Variants in RIMS2 observed in about 807,000 individuals in gnomAD.
RIMS2 encodes the protein regulating synaptic membrane exocytosis 2.
A neutral mutation model predicts 174.4 loss-of-function variants in RIMS2; 59 were observed. That is an observed-to-expected ratio of 0.34 (90% confidence interval 0.27 to 0.42). The LOEUF is 0.42. Among genes scored for constraint, RIMS2 ranks in the 10% least tolerant of loss-of-function variants. The probability of loss-of-function intolerance (pLI) is 1.00; values close to 1 mark genes in which losing one functional copy is unlikely to be tolerated. For missense variants in RIMS2, 1,620 were observed against 1,666.3 expected (o/e 0.97, Z 0.48); for synonymous variants, 606 against 572.5 (o/e 1.06, Z -0.84).
chr8:104,240,871 G>A (rs2099286808), intron 19 of RIMS2, among the ~76,000 whole-genome samples: 1 of 152,002 alleles, frequency 6.6e-6, no homozygotes, highest in South Asian at 2.1e-4. Context: ...TATGCATCAG[G>A]CACTATCCTA....
At chr8:103,603,633 A>G (rs1464123043) in intron 1 of RIMS2, among the ~76,000 whole-genome samples, 5 of 149,718 alleles carry the variant, frequency 3.3e-5, no homozygotes, top group Admixed American at 1.3e-4. Context: ...AAGTGTTCCT[A>G]TTTCTCCACA....
chr8:103,612,746 T>A (rs1564013970), intron 1 of RIMS2, among the ~76,000 whole-genome samples: 1 of 152,062 alleles, frequency 6.6e-6, no homozygotes, highest in Non-Finnish European at 1.5e-5. Context: ...GCCTGGCTGA[T>A]TTTTTAGTAG....
At chr8:104,235,341 T>C (rs2099252629) in intron 19 of RIMS2, among the ~76,000 whole-genome samples, 1 of 152,120 alleles carries the variant, frequency 6.6e-6, no homozygotes, top group African/African-American at 2.4e-5. Flanking sequence ...TCAAATCTCA[T>C]CTATATTATT....
chr8:104,202,946 G>A (rs1227066382), intron 19 of RIMS2, among the ~76,000 whole-genome samples: 1 of 152,178 alleles, frequency 6.6e-6, no homozygotes, highest in African/African-American at 2.4e-5. Flanking sequence ...AGACTCTCAT[G>A]ACCCTGGAAG....
intron 1 of RIMS2, among the ~76,000 whole-genome samples, chr8:103,617,156 A>G (rs1035942684): frequency 6.6e-6 from 1 of 152,142 alleles, no homozygotes; most frequent in Non-Finnish European, 1.5e-5. Flanking sequence ...CATGGTATGG[A>G]TGTGAAAAGA....
intron 19 of RIMS2, among the ~76,000 whole-genome samples, chr8:104,070,004 A>G (rs933620726): frequency 6.6e-6 from 1 of 152,180 alleles, no homozygotes; most frequent in Non-Finnish European, 1.5e-5. Flanking sequence ...GAGAAAAGCA[A>G]TCTGGATTTT....
chr8:104,031,829 T>G (rs2096399853), intron 19 of RIMS2, among the ~76,000 whole-genome samples: 1 of 152,158 alleles, frequency 6.6e-6, no homozygotes, highest in Non-Finnish European at 1.5e-5. Flanking sequence ...CATTTCATGC[T>G]TTTTAAAATG....
intron 19 of RIMS2, among the ~76,000 whole-genome samples, chr8:104,085,902 T>C (rs2097528898): frequency 6.6e-6 from 1 of 152,120 alleles, no homozygotes; most frequent in Non-Finnish European, 1.5e-5. Flanking sequence ...GTACAGGAGA[T>C]GTCCTGTCAG....
exon 4 of RIMS2, chr8:103,886,129 T>G (rs1262715771): frequency 6.2e-7 from 1 of 1,612,994 alleles, no homozygotes; most frequent in Middle Eastern, 1.7e-4. Flanking sequence ...TGCGCCAGAT[T>G]TCGTTGAGCA....
At chr8:103,911,934 A>G (rs1692746) in intron 5 of RIMS2, 119 bp from the exon 9 acceptor site, 1 of 695,344 alleles carries the variant, frequency 1.4e-6, no homozygotes. Context: ...TAATCATAAC[A>G]CTGAAATTCT....
At chr8:104,029,605 A>C (rs1189141539) in intron 19 of RIMS2, among the ~76,000 whole-genome samples, 2 of 152,160 alleles carry the variant, frequency 1.3e-5, no homozygotes, top group Non-Finnish European at 2.9e-5. Context: ...AATATTTGCT[A>C]ATTTCAAAGG....
chr8:103,962,225 T>A (rs892983940), intron 15 of RIMS2, among the ~76,000 whole-genome samples: 1 of 152,136 alleles, frequency 6.6e-6, no homozygotes, highest in Non-Finnish European at 1.5e-5. Context: ...GTTTTCAAGA[T>A]GACAGAAATA....
At chr8:104,017,349 A>G (rs1358683225) in intron 19 of RIMS2, among the ~76,000 whole-genome samples, 2 of 151,918 alleles carry the variant, frequency 1.3e-5, no homozygotes, top group Non-Finnish European at 2.9e-5. Flanking sequence ...CCTTTTCAAC[A>G]GCCAAAATAT....
intron 19 of RIMS2, among the ~76,000 whole-genome samples, chr8:104,115,322 T>A (rs1479912033): frequency 6.6e-6 from 1 of 152,134 alleles, no homozygotes; most frequent in Non-Finnish European, 1.5e-5. Context: ...TATTTATGGT[T>A]CTAGTATTTG....
chr8:103,964,383 T>C (rs536403947), intron 15 of RIMS2, among the ~76,000 whole-genome samples: 5 of 152,290 alleles, frequency 3.3e-5, no homozygotes, highest in South Asian at 2.1e-4. Context: ...TGGTATCTTG[T>C]TGTTTTTATT....
At chr8:103,568,953 G>T (rs2092597281) in intron 1 of RIMS2, 9 of 711,880 alleles carry the variant, frequency 1.3e-5, no homozygotes, top group South Asian at 1.2e-4. Context: ...CGAGTTCATG[G>T]TGTCTTACAG....
chr8:104,251,474 G>T, intron 23 of RIMS2, 128 bp from the exon 30 acceptor site: 1 of 653,960 alleles, frequency 1.5e-6, no homozygotes. Context: ...ATTCTATTAT[G>T]CAGATTTTAA....
chr8:103,622,200 A>T (rs1279550888), intron 1 of RIMS2, among the ~76,000 whole-genome samples: 1 of 152,154 alleles, frequency 6.6e-6, no homozygotes, highest in Non-Finnish European at 1.5e-5. Flanking sequence ...ATAAGAATTT[A>T]TAATTTTAAG....
intron 19 of RIMS2, among the ~76,000 whole-genome samples, chr8:104,035,150 A>G (rs1054437944): frequency 2.0e-5 from 3 of 152,136 alleles, no homozygotes; most frequent in African/African-American, 7.2e-5. Context: ...TTCTGAGTGT[A>G]AGTTATGCTA....
Sources: allele counts gnomAD v4.1 joint callset (sites outside exome capture counted in the v4.1 genomes callset), GRCh38; gene constraint gnomAD v4.1.1; transcripts MANE v1.5; gene names NCBI Gene and HGNC (gene_info 2026-07-23, HGNC 2026-07-21).